Variants in KCNH3 observed in about 807,000 individuals in gnomAD.
KCNH3 encodes potassium voltage-gated channel subfamily H member 3.
KCNH3 carries 36 observed loss-of-function variants against 95.6 expected under a neutral mutation model. That is an observed-to-expected ratio of 0.38 (90% CI 0.29 to 0.50). The LOEUF (loss-of-function observed/expected upper bound fraction) is 0.50. Ranked by LOEUF, KCNH3 falls within the 20% of genes least tolerant of loss-of-function variation. KCNH3 has a pLI of 0.95. For missense variants in KCNH3, 1,030 were observed against 1,484.1 expected, an observed-to-expected ratio of 0.69 and a Z score of 5.03; for synonymous variants, 620 against 646.3, an observed-to-expected ratio of 0.96 and a Z score of 0.62.
chr12:49,549,552 T>C lies in KCNH3; in HGVS notation c.1580T>C (p.Ile527Thr). 1 of 1,613,538 alleles carries C rather than the reference T, an allele frequency of 6.2e-7. No individual in the cohort carries two copies. Among genetic ancestry groups the C allele is most frequent in the Middle Eastern group, 1.6e-4 (1 of 6,062 alleles). The change falls in exon 9 of 15, where the codon ATC becomes ACC. Residue 527 changes from isoleucine (I) to threonine (T), a missense_variant. By Grantham distance (89) the Ile-to-Thr change is moderately conservative. Coordinates refer to ENST00000257981, the MANE Select transcript of KCNH3 (RefSeq NM_012284.3). ...RTRDLRDYIRIHRIPKPLKQR... is the reference protein window; with the variant it reads ...RTRDLRDYIRTHRIPKPLKQR... ...CGCGACCTGCGCGACTACATCCGCA[T>C]CCACCGTATCCCCAAGCCCCTCAAG...
chr12:49,549,583 C>T lies in KCNH3; in HGVS notation c.1611C>T (p.Arg537=). 2 of 1,613,118 alleles carry T rather than the reference C, an allele frequency of 1.2e-6. No individual in the cohort carries two copies. The highest frequency in any genetic ancestry group is 1.7e-6 in the Non-Finnish European group (2 of 1,180,042). Residue 537 remains arginine, a synonymous_variant, in exon 9 of 15, where the codon CGC becomes CGT. Transcript: ENST00000257981. ...IHRIPKPLKQ[R]MLEYFQATWA... ...GTATCCCCAAGCCCCTCAAGCAGCG[C>T]ATGCTGGAGTACTTCCAGGCCACCT...
rs750261167 is a variant in KCNH3, at chr12:49,554,415, C to T, written c.1997C>T (p.Thr666Met). 1.9e-6 allele frequency: 3 copies of T among 1,613,172 alleles called. No individual in the cohort carries two copies. The highest frequency in any genetic ancestry group is 2.5e-6 in the Non-Finnish European group (3 of 1,180,040). ...GCCAATGCCGACGTGAAGGGGCTGA[C>T]GTACTGCGTCCTGCAGTGTCTGCAG... ...VKANADVKGL[T>M]YCVLQCLQLA... Residue 666 changes from threonine to methionine, a missense_variant, in exon 11 of 15, where the codon ACG becomes ATG. Physicochemically the swap from Thr to Met is moderately conservative, Grantham distance 81. Coordinates refer to ENST00000257981, the MANE Select transcript of KCNH3 (RefSeq NM_012284.3).
In KCNH3 at chr12:49,558,079, G is replaced by T. The variant is rs1565785771; in HGVS notation, c.*126G>T. ...GCGGCCCGCTGGCTCAGGGCAGGGA[G>T]CCTGGAAGCAAAGGAGGACCTGGCT... On this transcript the variant is annotated 3_prime_UTR_variant, in exon 15 of 15. Transcript: ENST00000257981. 5.3e-6 allele frequency: 6 copies of T among 1,140,732 alleles called. No homozygotes were observed. The East Asian group carries it at 1.6e-4, about 31-fold the overall frequency. The allele number at this position is 1,140,732 out of a possible 1,614,324, so 70.7% of individuals were successfully genotyped here.
In KCNH3 at chr12:49,541,697, C is replaced by T. The variant is rs1245807324; in HGVS notation, c.378C>T (p.Phe126=). 1.2e-5 allele frequency: 19 copies of T among 1,614,094 alleles called. No homozygotes were observed. Among genetic ancestry groups the T allele is most frequent in the East Asian group, 2.2e-5 (1 of 44,904 alleles). The change falls in exon 3 of 15, where the codon TTC becomes TTT. Residue 126 remains phenylalanine (F), a synonymous_variant. Transcript: ENST00000257981. The part of the protein sequence containing the change: ...IKNEKGEVAL[F]LVSHKDISET... ...ATGAGAAAGGGGAGGTGGCTCTCTTCCTAGTCTCTCACAAGGACATCAGCG... is the reference window on the plus strand; with the variant it reads ...ATGAGAAAGGGGAGGTGGCTCTCTTTCTAGTCTCTCACAAGGACATCAGCG...
chr12:49,546,866 A>G (rs111872199), intron 7 of KCNH3, among the ~76,000 whole-genome samples: 3,428 of 152,248 alleles, frequency 0.023, 67 homozygotes, highest in South Asian at 0.033. Context: ...CCAACTAAAC[A>G]GTGACTGTGA....
Position 49,558,239 on chromosome 12 carries a change from T to C in KCNH3, c.*286T>C, listed in dbSNP as rs1193787098. 2.5e-6 allele frequency: 1 copy of C among 392,450 alleles called. No homozygotes were observed. Among genetic ancestry groups the C allele is most frequent in the Non-Finnish European group, 4.5e-6 (1 of 223,472 alleles). The allele number at this position is 392,450 out of a possible 1,614,324, so 24.3% of individuals were successfully genotyped here. ...AGGAAGAGCTTTGCCATCCCCTGCATGTGCCCCTGCCTCTACCTGTCCCCA... is the reference window on the plus strand; with the variant it reads ...AGGAAGAGCTTTGCCATCCCCTGCACGTGCCCCTGCCTCTACCTGTCCCCA... On this transcript the variant is annotated 3_prime_UTR_variant, in exon 15 of 15. Coordinates refer to ENST00000257981, the MANE Select transcript of KCNH3 (RefSeq NM_012284.3).
At position 49,556,468 on chromosome 12, in the gene KCNH3, C is replaced by G. The variant is rs113209368; in HGVS notation, c.2567C>G (p.Pro856Arg). The G allele has an allele frequency of 0.066, 105,784 of 1,612,536 alleles. 3,935 individuals carry two copies. The highest frequency in any genetic ancestry group is 0.071 in the South Asian group (6,445 of 91,062). The change falls in exon 13 of 15, where the codon CCT (proline) becomes CGT (arginine). Residue 856 changes from proline to arginine, a missense_variant. Physicochemically the swap from Pro to Arg is moderately radical, Grantham distance 103. Around this residue, in one of 9 missense-constraint regions of KCNH3, gnomAD observed 464 missense variants for 493.2 expected, o/e 0.94. Transcript: ENST00000257981. ...CCGGAATGTAGCAGCAGCCCCTCCC[C>G]TGGACCAGGTACCAGGGCCCCGGGA... ...SGPECSSSPS[P>R]GPESGLLTVP... is the part of the protein sequence containing the mutation.
chr12:49,541,556 A>C, intron 2 of KCNH3, 74 bp from the exon 3 acceptor site: 14 of 1,550,486 alleles, frequency 9.0e-6, no homozygotes, highest in Non-Finnish European at 1.2e-5. Flanking sequence ...CCGGGATGTC[A>C]GTGGAGCCAG....
chr12:49,553,516 A>G (rs182698359), intron 10 of KCNH3, among the ~76,000 whole-genome samples: 162 of 152,280 alleles, frequency 1.1e-3, no homozygotes, highest in African/African-American at 3.5e-3. Context: ...GAGGCACTTT[A>G]TCTACATTAA....
At position 49,558,038 on chromosome 12, in the gene KCNH3, T is replaced by TC. The variant is rs1413935638; in HGVS notation, c.*89dup. The stretch of plus-strand genomic sequence containing the variant: ...TCAGAGTGAAGGCAGGGTGGCAGCC[T>TC]CCCCACGGACTCCATGCGGCCCGCT... On this transcript the variant is annotated 3_prime_UTR_variant, in exon 15 of 15. Coordinates refer to ENST00000257981, the MANE Select transcript of KCNH3 (RefSeq NM_012284.3). 7 of 1,387,144 alleles carry TC rather than the reference T, an allele frequency of 5.0e-6. No individual in the cohort carries two copies. The highest frequency in any genetic ancestry group is 6.6e-6 in the Non-Finnish European group (7 of 1,059,926). The allele number at this position is 1,387,144 out of a possible 1,614,324, so 85.9% of individuals were successfully genotyped here.
Position 49,544,252 on chromosome 12 carries a change from G to C in KCNH3, c.1059G>C (p.Ser353=), listed in dbSNP as rs527456507. The change falls in exon 7 of 15, where the codon TCG becomes TCC. Residue 353 remains serine, a synonymous_variant. Coordinates refer to ENST00000257981, the MANE Select transcript of KCNH3 (RefSeq NM_012284.3). ...TGCTTCCGCGGCTGGACCGGTACTC[G>C]CAGTACAGCGCCGTGGTGCTGACAC... The part of the protein sequence containing the change: ...LRLLPRLDRY[S]QYSAVVLTLL... 4.4e-6 allele frequency: 7 copies of C among 1,603,998 alleles called. No homozygotes were observed. Among genetic ancestry groups the C allele is most frequent in the Non-Finnish European group, 5.9e-6 (7 of 1,177,196 alleles).
rs770364552 is a variant in KCNH3 at position 49,555,888 on chromosome 12, G to A, written c.2405G>A (p.Arg802Gln). 48 of 1,603,534 alleles carry A rather than the reference G, an allele frequency of 3.0e-5. No homozygotes were observed. The highest frequency in any genetic ancestry group is 2.6e-4 in the South Asian group (23 of 89,872). ...KAEAGPSAPP[R>Q]ALEGLRLPPM... The stretch of plus-strand genomic sequence containing the variant: ...GAGGCTGGCCCCTCTGCTCCCCCAC[G>A]GGCCCTAGAGGGGCTACGGCTGCCC... Residue 802 changes from arginine to glutamine, a missense_variant, in exon 12 of 15, where the codon CGG becomes CAG. Physicochemically the swap from Arg to Gln is conservative, Grantham distance 43. Transcript: ENST00000257981.
chr12:49,546,075 A>T (rs1387785459), intron 7 of KCNH3: 1 of 151,998 alleles, frequency 6.6e-6, no homozygotes, highest in African/African-American at 2.4e-5. Flanking sequence ...CGCCCCCTGA[A>T]ATGGGACCCA....
At position 49,541,860 on chromosome 12, in the gene KCNH3, C is replaced by A. The variant is rs565520625; in HGVS notation, c.445+96C>A. 3.0e-6 allele frequency: 4 copies of A among 1,351,470 alleles called. No homozygotes were observed. In the South Asian group the frequency reaches 4.0e-5, roughly 14 times the overall value. 83.7% of individuals were successfully genotyped at this position (1,351,470 alleles called of 1,614,324 possible). On this transcript the variant is annotated intron_variant, in intron 3 of 14. Transcript: ENST00000257981. ...CTGAGTACGGGGGTCCCCCATGCAC[C>A]TGCATTCATTTCACTCCCACTCAGG...
At position 49,542,807 on chromosome 12, in the gene KCNH3, A is replaced by T. The variant is rs1206734792; in HGVS notation, c.547A>T (p.Lys183Ter). Residue 183 changes from lysine to a stop codon, truncating the protein, a stop_gained, in exon 4 of 15, where the codon AAG becomes TAG. Coordinates refer to ENST00000257981, the MANE Select transcript of KCNH3 (RefSeq NM_012284.3). LOFTEE classifies it high-confidence loss of function. The stretch of plus-strand genomic sequence containing the variant: ...CTACCACCTGTCCGGGCACCTGCAG[A>T]AGCAGCCCAAGGGCAAGCACAAGCT... The part of the protein sequence containing the change: ...VLYHLSGHLQ[K>*]QPKGKHKLNK... The T allele has an allele frequency of 1.9e-6, 3 of 1,604,276 alleles. No homozygotes were observed.
intron 7 of KCNH3, among the ~76,000 whole-genome samples, chr12:49,546,937 C>G (rs1307037696): frequency 6.6e-6 from 1 of 152,236 alleles, no homozygotes; most frequent in African/African-American, 2.4e-5. Context: ...CTCTGTCACC[C>G]AGGCTGGAGT....
chr12:49,548,189 T>A (rs1489803809), intron 7 of KCNH3, among the ~76,000 whole-genome samples: 1 of 152,066 alleles, frequency 6.6e-6, no homozygotes, highest in Non-Finnish European at 1.5e-5. Flanking sequence ...CGAAAGTGTG[T>A]CTTCACCCTC....
At position 49,539,545 on chromosome 12, in the gene KCNH3, C is replaced by A; in HGVS notation, c.76+53C>A. On this transcript the variant is annotated intron_variant, in intron 1 of 14. Coordinates refer to ENST00000257981, the MANE Select transcript of KCNH3 (RefSeq NM_012284.3). This position sits in a 1 kb window ranked among gnomAD's most constrained non-coding sequence, Gnocchi z 6.7. ...CCGGGCCGCCGGACCCTCGCCAGGGCTCCCGCCTTCCCCGAACCCCCAGCA... is the reference window on the plus strand; with the variant it reads ...CCGGGCCGCCGGACCCTCGCCAGGGATCCCGCCTTCCCCGAACCCCCAGCA... The A allele has an allele frequency of 6.7e-7, 1 of 1,495,144 alleles. No homozygotes were observed. The highest frequency in any genetic ancestry group is 9.1e-7 in the Non-Finnish European group (1 of 1,098,032). 92.6% of individuals were successfully genotyped at this position (1,495,144 alleles called of 1,614,324 possible). A position where few individuals can be genotyped will look rare whatever the true frequency, so the allele number is the denominator to read the frequency against.
chr12:49,557,766 AG>A lies in KCNH3; in HGVS notation c.3067del (p.Glu1023LysfsTer11). ...ACCCCTGCCTCCCCTCCTCCTTCTGAGGAAGGGGCTAGGACTGGGCCCGCAG... is the reference window on the plus strand; with the variant it reads ...ACCCCTGCCTCCCCTCCTCCTTCTGAGAAGGGGCTAGGACTGGGCCCGCAG... Reference protein sequence around the residue: ...PSTPASPPPSEEGARTGPAEP... With the variant: ...PSTPASPPPSXEGARTGPAEP... On this transcript the variant is annotated frameshift_variant, in exon 15 of 15. Coordinates refer to ENST00000257981, the MANE Select transcript of KCNH3 (RefSeq NM_012284.3). LOFTEE classifies it high-confidence loss of function. The A allele has an allele frequency of 6.2e-7, 1 of 1,612,474 alleles. No homozygotes were observed. The highest frequency in any genetic ancestry group is 1.1e-5 in the South Asian group (1 of 90,968).
Sources: gnomAD v4.1 joint callset for allele counts (sites outside exome capture counted in the v4.1 genomes callset) on GRCh38, gnomAD v4.1.1 for gene constraint, gnomAD v4.1.1 regional missense constraint, Gnocchi (gnomAD v3.1) non-coding constraint, MANE v1.5 for transcripts, NCBI Gene and HGNC (gene_info 2026-07-23, HGNC 2026-07-21) for gene names.